PDGFC: variants seen among roughly 807,000 people sequenced by gnomAD.
The protein encoded by PDGFC is platelet derived growth factor C, also known as platelet-derived growth factor C.
PDGFC carries 12 observed loss-of-function variants against 35.5 expected under a neutral mutation model. The observed-to-expected ratio is 0.34, with a 90% CI of 0.22 to 0.55. The LOEUF is 0.55. Ranked by LOEUF, PDGFC falls within the 20% of genes least tolerant of loss-of-function variation. PDGFC has a pLI of 0.91. For missense variants in PDGFC, 322 were observed against 412.4 expected (o/e 0.78, Z 1.90); for synonymous variants, 159 against 148.8 (o/e 1.07, Z -0.50).
intron 1 of PDGFC, among the ~76,000 whole-genome samples, chr4:156,959,189 G>C (rs1732280620): frequency 6.6e-6 from 1 of 151,942 alleles, no homozygotes; most frequent in Non-Finnish European, 1.5e-5. Flanking sequence ...CAATTGCCCA[G>C]AATTTTAGGT....
intron 1 of PDGFC, among the ~76,000 whole-genome samples, chr4:156,905,199 T>C (rs1251129474): frequency 6.6e-6 from 1 of 152,116 alleles, no homozygotes; most frequent in Non-Finnish European, 1.5e-5. Flanking sequence ...CTTCAAGCTC[T>C]ATTGAATGAA....
At chr4:156,815,201 CGT>C (rs1385805607) in intron 2 of PDGFC, among the ~76,000 whole-genome samples, 2 of 147,156 alleles carry the variant, frequency 1.4e-5, no homozygotes, top group African/African-American at 5.2e-5. Context: ...TCTCAGAACT[CGT>C]GTCATACAAA....
intron 1 of PDGFC, among the ~76,000 whole-genome samples, chr4:156,861,188 G>A (rs1284496218): frequency 6.6e-6 from 1 of 151,968 alleles, no homozygotes; most frequent in Admixed American, 6.6e-5. Flanking sequence ...AGAGGGCATT[G>A]GAATGACTAC....
At chr4:156,873,549 A>G (rs1430497000) in intron 1 of PDGFC, among the ~76,000 whole-genome samples, 2 of 152,206 alleles carry the variant, frequency 1.3e-5, no homozygotes, top group African/African-American at 4.8e-5. Context: ...GACATTTCCT[A>G]TAACTTCTTT....
chr4:156,955,839 T>G (rs1292953045), intron 1 of PDGFC, among the ~76,000 whole-genome samples: 1 of 151,964 alleles, frequency 6.6e-6, no homozygotes, highest in Non-Finnish European at 1.5e-5. Context: ...CAATCTTACT[T>G]CTCACCAAAA....
chr4:156,929,805 T>C lies in PDGFC; in HGVS notation c.118+40981A>G, dbSNP rs74487427. Among the ~76,000 whole-genome samples, 1,084 of 152,352 alleles carry C rather than the reference T, an allele frequency of 7.1e-3. 54 individuals carry two copies. The East Asian group carries it at 0.15, about 21-fold the overall frequency. ...AAATAGTTGATAACATTCTTAAATA[T>C]TTGATTTCACAAGTTACCTCTCCTA... On this transcript the variant is annotated intron_variant, in intron 1 of 5. Coordinates refer to ENST00000502773, the MANE Select transcript of PDGFC (RefSeq NM_016205.3).
At chr4:156,837,431 T>C (rs928212276) in intron 2 of PDGFC, among the ~76,000 whole-genome samples, 1 of 152,078 alleles carries the variant, frequency 6.6e-6, no homozygotes, top group Non-Finnish European at 1.5e-5. Context: ...CTTTTTTTTT[T>C]CCTGGTAAAT....
At chr4:156,791,746 CCA>C (rs1731305018) in intron 3 of PDGFC, among the ~76,000 whole-genome samples, 1 of 152,124 alleles carries the variant, frequency 6.6e-6, no homozygotes, top group Non-Finnish European at 1.5e-5. Context: ...ATCCCACGTA[CCA>C]CACTGAAATT....
At chr4:156,898,882 C>A (rs1730697715) in intron 1 of PDGFC, among the ~76,000 whole-genome samples, 1 of 152,192 alleles carries the variant, frequency 6.6e-6, no homozygotes, top group Non-Finnish European at 1.5e-5. Context: ...GTCTTGATCA[C>A]CTGAGCTCAA....
chr4:156,888,571 T>A (rs1243839083), intron 1 of PDGFC, among the ~76,000 whole-genome samples: 1 of 152,190 alleles, frequency 6.6e-6, no homozygotes, highest in Non-Finnish European at 1.5e-5. Flanking sequence ...AATCTCTCAG[T>A]TTAAAAAAGT....
chr4:156,772,972 A>T, intron 3 of PDGFC, 79 bp from the exon 4 acceptor site: 3 of 925,388 alleles, frequency 3.2e-6, no homozygotes, highest in Non-Finnish European at 5.2e-6. Context: ...AGAAATTATA[A>T]AGACTGAGGC....
At chr4:156,776,237 A>G (rs1024617320) in intron 3 of PDGFC, among the ~76,000 whole-genome samples, 2 of 152,250 alleles carry the variant, frequency 1.3e-5, no homozygotes, top group African/African-American at 4.8e-5. Flanking sequence ...AGAAAATTCT[A>G]ACAATACTTT....
chr4:156,804,979 T>G (rs909411442), intron 3 of PDGFC, among the ~76,000 whole-genome samples: 1 of 152,198 alleles, frequency 6.6e-6, no homozygotes, highest in South Asian at 2.1e-4. Context: ...TACATAGTGC[T>G]AATTGCGTTT....
At chr4:156,907,821 C>T (rs1730951867) in intron 1 of PDGFC, among the ~76,000 whole-genome samples, 2 of 152,128 alleles carry the variant, frequency 1.3e-5, no homozygotes, top group Admixed American at 6.5e-5. Context: ...CCCCCACACT[C>T]CAGGTCACCA....
At chr4:156,794,081 G>GACT (rs1731375250) in intron 3 of PDGFC, among the ~76,000 whole-genome samples, 1 of 152,112 alleles carries the variant, frequency 6.6e-6, no homozygotes, top group East Asian at 1.9e-4. Flanking sequence ...CAGCACCTTT[G>GACT]ACTGCGCACT....
intron 1 of PDGFC, among the ~76,000 whole-genome samples, chr4:156,929,434 C>A (rs1731496524): frequency 6.9e-6 from 1 of 145,734 alleles, no homozygotes; most frequent in African/African-American, 2.5e-5. Flanking sequence ...TGACCATTTT[C>A]ATAGTTCATA....
At chr4:156,793,666 G>T (rs943513197) in intron 3 of PDGFC, among the ~76,000 whole-genome samples, 2 of 151,068 alleles carry the variant, frequency 1.3e-5, no homozygotes, top group Non-Finnish European at 3.0e-5. Context: ...TACCAATCAG[G>T]GGGGCAGTGG....
chr4:156,863,545 A>G (rs1446951424), intron 1 of PDGFC, among the ~76,000 whole-genome samples: 1 of 152,158 alleles, frequency 6.6e-6, no homozygotes, highest in Non-Finnish European at 1.5e-5. Flanking sequence ...TAATAACTTT[A>G]ATAACTAATA....
At chr4:156,795,478 C>A (rs975283448) in intron 3 of PDGFC, among the ~76,000 whole-genome samples, 1 of 151,600 alleles carries the variant, frequency 6.6e-6, no homozygotes, top group Admixed American at 6.6e-5. Context: ...TTGGCAAATC[C>A]CTGTTTAAAA....
Sources: allele counts gnomAD v4.1 joint callset (sites outside exome capture counted in the v4.1 genomes callset), GRCh38; gene constraint gnomAD v4.1.1; transcripts MANE v1.5; gene names NCBI Gene and HGNC (gene_info 2026-07-23, HGNC 2026-07-21).